ILF2: variants seen among roughly 807,000 people sequenced by gnomAD.
ILF2 encodes interleukin enhancer-binding factor 2.
Under a neutral mutation model 55.3 loss-of-function variants are expected in ILF2, and 9 were observed. The observed-to-expected ratio is 0.16, with a 90% CI of 0.10 to 0.28. ILF2 has a LOEUF of 0.28. ILF2 is among the 10% of genes least tolerant of loss of function. The probability of loss-of-function intolerance (pLI) is 1.00; values close to 1 mark genes in which losing one functional copy is unlikely to be tolerated. For missense variants in ILF2, 266 were observed against 474.9 expected (o/e 0.56, Z 4.09); for synonymous variants, 151 against 161.8 (o/e 0.93, Z 0.50).
At chr1:153,670,046 GT>G in intron 2 of ILF2, 124 bp downstream of exon 2, 1 of 1,118,404 alleles carries the variant, frequency 8.9e-7, no homozygotes, top group Non-Finnish European at 1.4e-6. Context: ...TTTAACAGGA[GT>G]GCAGGAAAAG....
intron 13 of ILF2, 33 bp from the exon 14 acceptor site, chr1:153,662,589 A>G: frequency 5.0e-6 from 8 of 1,596,976 alleles, no homozygotes; most frequent in Non-Finnish European, 6.9e-6. Context: ...TTAGACGAGT[A>G]GCCCAGCATA....
In ILF2 at chr1:153,670,925, C is replaced by A; in HGVS notation, c.-3G>T. 3 of 1,614,188 alleles carry A rather than the reference C, an allele frequency of 1.9e-6. No individual in the cohort carries two copies. Among genetic ancestry groups the A allele is most frequent in the Non-Finnish European group, 2.5e-6 (3 of 1,180,028 alleles). On this transcript the variant is annotated 5_prime_UTR_variant, in exon 1 of 14. Coordinates refer to ENST00000361891, the MANE Select transcript of ILF2 (RefSeq NM_004515.4). The stretch of plus-strand genomic sequence containing the variant: ...CCGCTTCGACCCACTTACCTCATGG[C>A]GCCTTAAAACACGAACAATGGAGGC...
chr1:153,665,416 A>G, intron 7 of ILF2, 80 bp from the exon 8 acceptor site: 1 of 969,516 alleles, frequency 1.0e-6, no homozygotes, highest in African/African-American at 1.6e-5. Context: ...GGGGGGGAAC[A>G]GGTGGATTTT....
Position 153,667,525 on chromosome 1 carries a change from G to C in ILF2, c.394+30C>G, listed in dbSNP as rs755996751. ...ACCCCTAATCCAAGTGCTATGTTCT[G>C]TTCCCATGACCAGAAACAGGCACAC... On this transcript the variant is annotated intron_variant, in intron 6 of 13. Coordinates refer to ENST00000361891, the MANE Select transcript of ILF2 (RefSeq NM_004515.4). The C allele has an allele frequency of 3.1e-5, 44 of 1,437,512 alleles. 2 individuals are homozygous for C. The South Asian group carries it at 4.9e-4, about 16-fold the overall frequency. 89.0% of individuals were successfully genotyped at this position (1,437,512 alleles called of 1,614,324 possible). A position where few individuals can be genotyped will look rare whatever the true frequency, so the allele number is the denominator to read the frequency against.
At chr1:153,666,649 C>T (rs980120699) in intron 6 of ILF2, among the ~76,000 whole-genome samples, 33 of 152,236 alleles carry the variant, frequency 2.2e-4, no homozygotes, top group African/African-American at 8.0e-4. Context: ...CTGGCTTCTA[C>T]CCTTTTTTGA....
intron 7 of ILF2, 81 bp downstream of exon 7, chr1:153,665,582 T>C: frequency 8.3e-7 from 1 of 1,206,518 alleles, no homozygotes; most frequent in African/African-American, 1.5e-5. Flanking sequence ...TGGTCTGATC[T>C]GATTTTGTTG....
chr1:153,666,957 A>G (rs1045204260), intron 6 of ILF2, among the ~76,000 whole-genome samples: 5 of 152,132 alleles, frequency 3.3e-5, no homozygotes, highest in African/African-American at 1.2e-4. Flanking sequence ...CCCCGTCTCT[A>G]CTAAAAATAG....
At position 153,668,478 on chromosome 1, in the gene ILF2, T is replaced by C; in HGVS notation, c.188A>G (p.Asp63Gly). The change falls in exon 4 of 14, where the codon GAC becomes GGC. Residue 63 changes from aspartate (D) to glycine (G), a missense_variant. Transcript: ENST00000361891. ...FSEALLKRNQ[D>G]LAPNSAEQAS... ...CTGTTCAGCAGAATTGGGAGCCAGG[T>C]CCTGATTCCTCTTCAGCAAGGCCTC... 1 of 1,614,152 alleles carries C rather than the reference T, an allele frequency of 6.2e-7. No homozygotes were observed. Among genetic ancestry groups the C allele is most frequent in the Non-Finnish European group, 8.5e-7 (1 of 1,180,020 alleles).
intron 3 of ILF2, among the ~76,000 whole-genome samples, chr1:153,669,432 A>C (rs1034056658): frequency 1.2e-4 from 18 of 151,942 alleles, no homozygotes; most frequent in African/African-American, 3.9e-4. Flanking sequence ...AAAGCAACAC[A>C]CAGTTGACTC....
chr1:153,662,547 G>A lies in ILF2; in HGVS notation c.1022C>T (p.Ser341Phe). The A allele has an allele frequency of 6.2e-7, 1 of 1,613,820 alleles. No homozygotes were observed. Among genetic ancestry groups the A allele is most frequent in the Non-Finnish European group, 8.5e-7 (1 of 1,179,756 alleles). Residue 341 changes from serine (S) to phenylalanine (F), a missense_variant, in exon 14 of 14, where the codon TCT becomes TTT. Transcript: ENST00000361891. ...CACTCCATCCCAGGTAGATATTTCA[G>A]AAGCAAGATCTAGGAAAGAGAAAAA... is the stretch of plus-strand genomic sequence containing the variant. The part of the protein sequence containing the change: ...GQEGDASYLA[S>F]EISTWDGVIV...
chr1:153,664,168 G>T, intron 9 of ILF2, 38 bp from the exon 10 acceptor site: 4 of 1,325,260 alleles, frequency 3.0e-6, no homozygotes, highest in South Asian at 2.4e-5. Context: ...AAATCAATAC[G>T]ATCATGTATT....
Position 153,662,763 on chromosome 1 carries a change from G to C in ILF2, c.954C>G (p.Val318=). ...TAAAGCCACCATGTGAGAGGATTCG[G>C]ACGAGAGTCTGAGCTGTATAGCAGA... ...DMVCYTAQTL[V]RILSHGGFRK... The change falls in exon 13 of 14, where the codon GTC becomes GTG. Residue 318 remains valine (V), a synonymous_variant. Coordinates refer to ENST00000361891, the MANE Select transcript of ILF2 (RefSeq NM_004515.4). 6 of 1,614,186 alleles carry C rather than the reference G, an allele frequency of 3.7e-6. No individual in the cohort carries two copies. The highest frequency in any genetic ancestry group is 5.1e-6 in the Non-Finnish European group (6 of 1,180,038).
chr1:153,667,571 G>C lies in ILF2; in HGVS notation c.378C>G (p.Leu126=). Residue 126 remains leucine (L), a synonymous_variant, in exon 6 of 14, where the codon CTC becomes CTG. Transcript: ENST00000361891. ...CACACTCACACGTTGGCAGAATCTT[G>C]AGTATCACCACCAGGTCAGCCACAT... ...GHNVADLVVI[L]KILPTLEAVA... The C allele has an allele frequency of 6.2e-7, 1 of 1,611,058 alleles. No homozygotes were observed. Among genetic ancestry groups the C allele is most frequent in the South Asian group, 1.1e-5 (1 of 91,018 alleles).
At chr1:153,669,602 A>G (rs1265381551) in intron 3 of ILF2, among the ~76,000 whole-genome samples, 1 of 151,928 alleles carries the variant, frequency 6.6e-6, no homozygotes, top group Non-Finnish European at 1.5e-5. Context: ...ACACATGCCC[A>G]GCCAACTTTT....
intron 4 of ILF2, 32 bp downstream of exon 4, chr1:153,668,421 G>C (rs543714581): frequency 6.2e-7 from 1 of 1,613,438 alleles, no homozygotes; most frequent in Non-Finnish European, 8.5e-7. Context: ...CTGCTTTAGA[G>C]ACATTTCTGG....
intron 2 of ILF2, 128 bp from the exon 3 acceptor site, chr1:153,670,006 A>AT (rs1669405002): frequency 1.8e-6 from 2 of 1,110,018 alleles, no homozygotes; most frequent in African/African-American, 3.1e-5. Context: ...GAGGGAAAGA[A>AT]TCATTCTTAG....
chr1:153,663,991 ACT>A, intron 10 of ILF2, 50 bp downstream of exon 10: 1 of 843,508 alleles, frequency 1.2e-6, no homozygotes, highest in Non-Finnish European at 1.9e-6. Flanking sequence ...TACTACTACT[ACT>A]ACTAGTAAAT....
chr1:153,664,662 C>T (rs1430470263), intron 8 of ILF2, among the ~76,000 whole-genome samples, 188 bp from the exon 9 acceptor site: 1 of 152,214 alleles, frequency 6.6e-6, no homozygotes, highest in Non-Finnish European at 1.5e-5. Context: ...CGGGTTCGAG[C>T]AATTCTCCTG....
At chr1:153,662,915 TC>T in intron 12 of ILF2, 103 bp downstream of exon 12, 1 of 1,310,938 alleles carries the variant, frequency 7.6e-7, no homozygotes, top group Admixed American at 1.8e-5. Flanking sequence ...TCTTTCAGAA[TC>T]CCCAAATTCC....
Sources: gnomAD v4.1 joint callset for allele counts (sites outside exome capture counted in the v4.1 genomes callset) on GRCh38, gnomAD v4.1.1 for gene constraint, MANE v1.5 for transcripts, NCBI Gene and HGNC (gene_info 2026-07-23, HGNC 2026-07-21) for gene names.